The following ACAD10 variants were observed in gnomAD, a reference collection of about 807,000 sequenced individuals.
ACAD10 encodes ACAD-10.
A neutral mutation model predicts 116.8 loss-of-function variants in ACAD10; 112 were observed. The ratio of observed to expected loss-of-function variants is 0.96; its 90% CI spans 0.82 to 1.12. The LOEUF is 1.12. ACAD10 is among the 50% of genes most tolerant of loss of function. The pLI is 0.00. For missense variants in ACAD10, 1,259 were observed against 1,350.2 expected, an observed-to-expected ratio of 0.93 and a Z score of 1.06; for synonymous variants, 486 against 510.6, an observed-to-expected ratio of 0.95 and a Z score of 0.65.
chr12:111,723,689 C>A (rs1226978875), intron 8 of ACAD10, among the ~76,000 whole-genome samples: 1 of 147,620 alleles, frequency 6.8e-6, no homozygotes, highest in Non-Finnish European at 1.5e-5. Context: ...GGCTGACCCC[C>A]CCCCCCACCT....
At chr12:111,722,368 ACTATTTAT>A (rs1889040023) in intron 8 of ACAD10, among the ~76,000 whole-genome samples, 1 of 143,508 alleles carries the variant, frequency 7.0e-6, no homozygotes, top group African/African-American at 2.8e-5. Context: ...CCGGCCCTAA[ACTATTTAT>A]TTATTTATTT....
chr12:111,696,554 C>T (rs953288031), intron 2 of ACAD10, among the ~76,000 whole-genome samples: 1 of 151,988 alleles, frequency 6.6e-6, no homozygotes, highest in Non-Finnish European at 1.5e-5. Context: ...CTGCTTTTAC[C>T]CTGTACTGGC....
At chr12:111,707,387 T>G (rs959533353) in intron 4 of ACAD10, among the ~76,000 whole-genome samples, 1 of 151,318 alleles carries the variant, frequency 6.6e-6, no homozygotes, top group Admixed American at 6.6e-5. Context: ...TGAGCCACTG[T>G]GCCTGGCCCT....
intron 12 of ACAD10, among the ~76,000 whole-genome samples, chr12:111,741,351 C>T (rs575435636): frequency 1.8e-4 from 27 of 152,236 alleles, no homozygotes; most frequent in Non-Finnish European, 3.1e-4. Context: ...ATTTCCTAGC[C>T]GGCTGCCAAG....
chr12:111,755,755 G>T lies in ACAD10; in HGVS notation c.3039+10G>T. On this transcript the variant is annotated intron_variant, in intron 20 of 20. Transcript: ENST00000313698. ...TGATCGTGCGATTCAGGTGAGCACA[G>T]ACCAGACAGTTGGCTTATTTGAACC... 1.2e-6 allele frequency: 2 copies of T among 1,613,248 alleles called. No individual in the cohort carries two copies. The highest frequency in any genetic ancestry group is 1.1e-5 in the South Asian group (1 of 91,022).
rs1191413177 is a variant in ACAD10 at position 111,715,902 on chromosome 12, T to C, written c.932T>C (p.Leu311Pro). The change falls in exon 7 of 21, where the codon CTG becomes CCG. Residue 311 changes from leucine to proline, a missense_variant. Physicochemically the swap from Leu to Pro is moderately conservative, Grantham distance 98. Coordinates refer to ENST00000313698, the MANE Select transcript of ACAD10 (RefSeq NM_025247.6). ...YIRLANRDLV[L>P]RKKPPGTLLP... ...AGGCTGGCTAATCGTGATCTAGTTC[T>C]GAGGAAGAAGCCCCCAGGGACACTC... is the stretch of plus-strand genomic sequence containing the variant. The C allele has an allele frequency of 1.9e-6, 3 of 1,614,126 alleles. No individual in the cohort carries two copies. The highest frequency in any genetic ancestry group is 2.2e-5 in the East Asian group (1 of 44,884).
rs1174883043 is a variant in ACAD10 at position 111,700,723 on chromosome 12, T to TTTCCTTCCTTCCTTCCTTCCTTCC, written c.188-1418_188-1417insTCCTTCCTTCCTTCCTTCCTTCCT. ...AAGATAGGACTGCTTGTCCTTTTAC[T>TTTCCTTCCTTCCTTCCTTCCTTCC]TTCCTTCCTTCCTTCCTTCCTCTTC... On this transcript the variant is annotated intron_variant, in intron 2 of 20. Transcript: ENST00000313698. 9.1e-3 allele frequency among the ~76,000 whole-genome samples: 1,365 copies of TTTCCTTCCTTCCTTCCTTCCTTCC among 150,382 alleles called. 46 individuals carry two copies. The highest frequency in any genetic ancestry group is 0.032 in the African/African-American group (1,304 of 40,128).
At position 111,728,032 on chromosome 12, in the gene ACAD10, G is replaced by A. The variant is rs1656929032; in HGVS notation, c.1132G>A (p.Gly378Ser). 1 of 1,614,144 alleles carries A rather than the reference G, an allele frequency of 6.2e-7. No homozygotes were observed. The highest frequency in any genetic ancestry group is 8.5e-7 in the Non-Finnish European group (1 of 1,180,026). ...GLIYKDPSLP[G>S]LEPSHRRAIY... Reference sequence around the variant, plus strand: ...CATCTACAAAGACCCTTCCCTGCCAGGCTTGGAGCCCAGCCACAGACGAGC... The same window carrying A: ...CATCTACAAAGACCCTTCCCTGCCAAGCTTGGAGCCCAGCCACAGACGAGC... Residue 378 changes from glycine to serine, a missense_variant, in exon 9 of 21, where the codon GGC becomes AGC. Coordinates refer to ENST00000313698, the MANE Select transcript of ACAD10 (RefSeq NM_025247.6).
At position 111,692,873 on chromosome 12, in the gene ACAD10, C is replaced by T; in HGVS notation, c.164C>T (p.Pro55Leu). Reference sequence around the variant, plus strand: ...TTCGACATGGGCGGAGTTCTCATTCCTTCTCCAGGGAGAGTCGCTGCAGGT... The same window carrying T: ...TTCGACATGGGCGGAGTTCTCATTCTTTCTCCAGGGAGAGTCGCTGCAGGT... Reference protein sequence around the residue: ...VIFDMGGVLIPSPGRVAAEWE... With the variant: ...VIFDMGGVLILSPGRVAAEWE... The change falls in exon 2 of 21, where the codon CCT (proline) becomes CTT (leucine). Residue 55 changes from proline to leucine, a missense_variant. By Grantham distance (98) the Pro-to-Leu change is moderately conservative (BLOSUM62 -3). Transcript: ENST00000313698. 3 of 1,614,134 alleles carry T rather than the reference C, an allele frequency of 1.9e-6. No homozygotes were observed. The Middle Eastern group carries it at 5.0e-4, about 266-fold the overall frequency.
Position 111,716,026 on chromosome 12 carries a change from A to G in ACAD10, c.992+64A>G, listed in dbSNP as rs765246329. On this transcript the variant is annotated intron_variant, in intron 7 of 20. Coordinates refer to ENST00000313698, the MANE Select transcript of ACAD10 (RefSeq NM_025247.6). ...CTCCACTGTGCACAAGCTCAGCCCTAAACTGAAAAGTCAGCACTCCATAAA... is the reference window on the plus strand; with the variant it reads ...CTCCACTGTGCACAAGCTCAGCCCTGAACTGAAAAGTCAGCACTCCATAAA... 164 of 1,596,474 alleles carry G rather than the reference A, an allele frequency of 1.0e-4. 1 individual carries two copies. Among genetic ancestry groups the G allele is most frequent in the Non-Finnish European group, 1.3e-4 (154 of 1,170,172 alleles).
At chr12:111,708,045 G>T (rs1347726039) in intron 4 of ACAD10, among the ~76,000 whole-genome samples, 6 of 152,172 alleles carry the variant, frequency 3.9e-5, no homozygotes, top group Non-Finnish European at 7.4e-5. Context: ...TGCTTACCTT[G>T]AGAAGGAGGC....
intron 10 of ACAD10, among the ~76,000 whole-genome samples, chr12:111,731,432 C>T (rs1243865565): frequency 1.3e-5 from 2 of 152,226 alleles, no homozygotes; most frequent in East Asian, 3.8e-4. Flanking sequence ...CATGTATTTC[C>T]TTTGGCGGGG....
intron 8 of ACAD10, among the ~76,000 whole-genome samples, chr12:111,725,610 C>T (rs1422424682): frequency 6.6e-6 from 1 of 151,922 alleles, no homozygotes; most frequent in Non-Finnish European, 1.5e-5. Context: ...TCTGGGCACA[C>T]TGCAACCTCT....
At chr12:111,719,543 C>T (rs746511959) in intron 7 of ACAD10, among the ~76,000 whole-genome samples, 1 of 151,410 alleles carries the variant, frequency 6.6e-6, no homozygotes, top group Non-Finnish European at 1.5e-5. Flanking sequence ...TGAGTCACTG[C>T]GCCCGGCCTT....
Position 111,733,997 on chromosome 12 carries a change from G to GCGAC in ACAD10, c.1471_1474dup (p.Pro492ArgfsTer5). On this transcript the variant is annotated frameshift_variant, in exon 11 of 21. Coordinates refer to ENST00000313698, the MANE Select transcript of ACAD10 (RefSeq NM_025247.6). LOFTEE classifies it high-confidence loss of function. ...CTTGACTGGGAACTTTCTACCTTGG[G>GCGAC]CGACCCCCTTGCTGATGTGGCCTAC... The GCGAC allele has an allele frequency of 1.2e-6, 2 of 1,614,186 alleles. No homozygotes were observed. The highest frequency in any genetic ancestry group is 2.7e-5 in the African/African-American group (2 of 75,048).
Position 111,716,630 on chromosome 12 carries a change from G to A in ACAD10, c.992+668G>A, listed in dbSNP as rs1214450896. ...AGCACTTTGGGAGGCTGAGGCAGGT[G>A]GATGACTTGAACTCAGGAATTGAAG... On this transcript the variant is annotated intron_variant, in intron 7 of 20. Transcript: ENST00000313698. 2.0e-5 allele frequency among the ~76,000 whole-genome samples: 3 copies of A among 152,260 alleles called. No homozygotes were observed. The South Asian group carries it at 6.2e-4, about 32-fold the overall frequency.
At position 111,686,107 on chromosome 12, in the gene ACAD10, A is replaced by G. The variant is rs955009104; in HGVS notation, c.-146A>G. The G allele has an allele frequency of 2.2e-5, 4 of 182,786 alleles. No individual in the cohort carries two copies. The highest frequency in any genetic ancestry group is 4.5e-5 in the Non-Finnish European group (4 of 88,242). 11.3% of individuals were successfully genotyped at this position (182,786 alleles called of 1,614,324 possible). On this transcript the variant is annotated 5_prime_UTR_variant, in exon 1 of 21. Coordinates refer to ENST00000313698, the MANE Select transcript of ACAD10 (RefSeq NM_025247.6). ...GTCGGAGCGGAAGGACGTCGTGGAGATTGCTTGCGCTGGGGTGCCACACTT... is the reference window on the plus strand; with the variant it reads ...GTCGGAGCGGAAGGACGTCGTGGAGGTTGCTTGCGCTGGGGTGCCACACTT...
rs769797835 is a variant in ACAD10, at chr12:111,753,774, G to A, written c.2820G>A (p.Val940=). 1 of 1,613,942 alleles carries A rather than the reference G, an allele frequency of 6.2e-7. No homozygotes were observed. Among genetic ancestry groups the A allele is most frequent in the East Asian group, 2.2e-5 (1 of 44,890 alleles). The change falls in exon 19 of 21, where the codon GTG becomes GTA. Residue 940 remains valine (V), a splice_region_variant and synonymous_variant. Transcript: ENST00000313698. Reference sequence around the variant, plus strand: ...CCGCACATCTCCTGTGTCGACAGGTGAAGTCCCGCTTGGCTTTTGGGAAGC... The same window carrying A: ...CCGCACATCTCCTGTGTCGACAGGTAAAGTCCCGCTTGGCTTTTGGGAAGC... ...ERALALMKAR[V]KSRLAFGKPL...
At chr12:111,713,328 G>A (rs1888747269) in intron 6 of ACAD10, among the ~76,000 whole-genome samples, 1 of 148,272 alleles carries the variant, frequency 6.7e-6, no homozygotes, top group East Asian at 2.0e-4. Context: ...AAAAAAAAAA[G>A]AATTTGCATT....
Sources: gnomAD v4.1 joint callset for allele counts (sites outside exome capture counted in the v4.1 genomes callset) on GRCh38, gnomAD v4.1.1 for gene constraint, MANE v1.5 for transcripts, NCBI Gene and HGNC (gene_info 2026-07-23, HGNC 2026-07-21) for gene names.